Variants in GALNT2 observed in about 807,000 individuals in gnomAD.
GALNT2 encodes polypeptide N-acetylgalactosaminyltransferase 2.
A neutral mutation model predicts 81.4 loss-of-function variants in GALNT2; 31 were observed. The observed-to-expected ratio is 0.38, with a 90% confidence interval of 0.29 to 0.51. GALNT2 has a LOEUF of 0.51. Among genes scored for constraint, GALNT2 ranks in the 20% least tolerant of loss-of-function variants. The pLI, the probability that GALNT2 is intolerant of heterozygous loss-of-function variation, is 0.87. For synonymous variants in GALNT2, 303 were observed against 287.4 expected (o/e 1.05, Z -0.55); for missense variants, 629 against 765.7 (o/e 0.82, Z 2.11).
chr1:230,141,423 T>A (rs1164666743), intron 1 of GALNT2, among the ~76,000 whole-genome samples: 4 of 152,176 alleles, frequency 2.6e-5, no homozygotes, highest in Admixed American at 2.6e-4. Flanking sequence ...AAACTGAAAC[T>A]CTGTCTCATT....
At chr1:230,083,593 CT>C (rs1269601908) in intron 1 of GALNT2, among the ~76,000 whole-genome samples, 1 of 152,180 alleles carries the variant, frequency 6.6e-6, no homozygotes, top group Admixed American at 6.5e-5. Flanking sequence ...CTGCAGCCCC[CT>C]GATGCTTGCA....
intron 1 of GALNT2, among the ~76,000 whole-genome samples, chr1:230,118,227 C>T (rs1184627312): frequency 6.6e-6 from 1 of 152,180 alleles, no homozygotes; most frequent in African/African-American, 2.4e-5. Context: ...CACAGTTAAT[C>T]CATTTGCCTA....
In GALNT2 at chr1:230,248,226, T is replaced by C. The variant is rs114199590; in HGVS notation, c.818-958T>C. 3.5e-3 allele frequency among the ~76,000 whole-genome samples: 529 copies of C among 152,336 alleles called. 7 individuals are homozygous for C. Among genetic ancestry groups the C allele is most frequent in the African/African-American group, 0.012 (512 of 41,578 alleles). On this transcript the variant is annotated intron_variant, in intron 8 of 15. Transcript: ENST00000366672. ...GCTGTCAGGGCGGACAGACTATGAA[T>C]TCAAAGCATGCAGACAAATCCAAAC...
chr1:230,218,167 G>T (rs976139424), intron 3 of GALNT2, among the ~76,000 whole-genome samples: 5 of 152,220 alleles, frequency 3.3e-5, no homozygotes, highest in African/African-American at 1.2e-4. Flanking sequence ...GGTGGTGAGA[G>T]GTGGTTGGAT....
intron 11 of GALNT2, 168 bp from the exon 12 acceptor site, chr1:230,262,405 G>A (rs368992600): frequency 1.0e-5 from 6 of 598,440 alleles, no homozygotes; most frequent in East Asian, 2.8e-5. Context: ...GGTCCAGCTC[G>A]AGGTGCTGGT....
intron 3 of GALNT2, among the ~76,000 whole-genome samples, chr1:230,232,687 G>A (rs1664902634): frequency 6.6e-6 from 1 of 152,120 alleles, no homozygotes; most frequent in Admixed American, 6.5e-5. Flanking sequence ...TTACAGATTG[G>A]GTTCTTGGGA....
Position 230,279,073 on chromosome 1 carries a change from T to A in GALNT2, c.1561-230T>A, listed in dbSNP as rs1341829282. On this transcript the variant is annotated intron_variant, in intron 15 of 15. Coordinates refer to ENST00000366672, the MANE Select transcript of GALNT2 (RefSeq NM_004481.5). This position sits in a 1 kb window ranked among gnomAD's most constrained non-coding sequence, Gnocchi z 4.6. ...AGAAAGTTTGGGGCAGGAGACGTTC[T>A]GAGTTTTGATCCAAGGCAGAGAATA... Among the ~76,000 whole-genome samples, 2 of 152,234 alleles carry A rather than the reference T, an allele frequency of 1.3e-5. No homozygotes were observed. Among genetic ancestry groups the A allele is most frequent in the Non-Finnish European group, 2.9e-5 (2 of 68,040 alleles).
chr1:230,078,748 C>T (rs537363091), intron 1 of GALNT2, among the ~76,000 whole-genome samples: 8 of 152,230 alleles, frequency 5.3e-5, no homozygotes, highest in South Asian at 2.1e-4. Context: ...GCAGACTGCC[C>T]GGTGGACCAA....
At chr1:230,057,926 G>A (rs1364629230), upstream of GALNT2, 15 of 422,748 alleles carry the variant, frequency 3.5e-5, no homozygotes, top group Non-Finnish European at 5.3e-5. Flanking sequence ...AGTGTCGTCC[G>A]GGGCTAGGAG....
At chr1:230,188,623 A>G (rs1558131096) in intron 2 of GALNT2, among the ~76,000 whole-genome samples, 1 of 152,070 alleles carries the variant, frequency 6.6e-6, no homozygotes, top group Non-Finnish European at 1.5e-5. Context: ...TTTCTTTTAC[A>G]TGCTGTAAAA....
chr1:230,069,290 TG>T (rs1387231411), intron 1 of GALNT2, among the ~76,000 whole-genome samples: 3 of 151,850 alleles, frequency 2.0e-5, no homozygotes, highest in Non-Finnish European at 2.9e-5. Context: ...TGTTTTGTTT[TG>T]TTTTTTTTAA....
chr1:230,072,958 G>C (rs1329268550), intron 1 of GALNT2, among the ~76,000 whole-genome samples: 1 of 152,184 alleles, frequency 6.6e-6, no homozygotes, highest in East Asian at 1.9e-4. Context: ...TTTTCCCTCT[G>C]AGTAAGTCTT....
At chr1:230,095,402 G>A (rs76904440) in intron 1 of GALNT2, among the ~76,000 whole-genome samples, 2,703 of 152,298 alleles carry the variant, frequency 0.018, 33 homozygotes, top group Middle Eastern at 0.051. Flanking sequence ...GAGAGGTTGA[G>A]TTGCCGGCAG....
intron 1 of GALNT2, among the ~76,000 whole-genome samples, chr1:230,075,259 A>G (rs1445609730): frequency 6.9e-6 from 1 of 144,760 alleles, no homozygotes; most frequent in Non-Finnish European, 1.5e-5. Context: ...CTGAGTGGCT[A>G]GGATTACAGG....
At chr1:230,126,070 A>C (rs1445917261) in intron 1 of GALNT2, among the ~76,000 whole-genome samples, 1 of 152,254 alleles carries the variant, frequency 6.6e-6, no homozygotes, top group African/African-American at 2.4e-5. Flanking sequence ...AAGAGGAGCG[A>C]GGAGCAGGGA....
intron 3 of GALNT2, among the ~76,000 whole-genome samples, chr1:230,208,442 G>A (rs554203062): frequency 3.3e-5 from 5 of 152,240 alleles, no homozygotes; most frequent in African/African-American, 1.2e-4. Flanking sequence ...TGTTAATGCT[G>A]CTCAGTGTAG....
chr1:230,277,934 A>T (rs1224150047), intron 15 of GALNT2, among the ~76,000 whole-genome samples: 1 of 152,214 alleles, frequency 6.6e-6, no homozygotes, highest in Non-Finnish European at 1.5e-5. Context: ...CTGCAATGTC[A>T]AAAGGATTTG....
chr1:230,232,399 C>T (rs915611105), intron 3 of GALNT2, among the ~76,000 whole-genome samples: 11 of 152,114 alleles, frequency 7.2e-5, no homozygotes, highest in Non-Finnish European at 1.3e-4. Context: ...TTTCCAGAGC[C>T]CCGTGAGACT....
chr1:230,100,616 G>T (rs898832018), intron 1 of GALNT2, among the ~76,000 whole-genome samples: 1 of 152,324 alleles, frequency 6.6e-6, no homozygotes, highest in South Asian at 2.1e-4. Flanking sequence ...GTGAGCCACA[G>T]CACCCGGCGT....
Sources: allele counts gnomAD v4.1 joint callset (sites outside exome capture counted in the v4.1 genomes callset), GRCh38; gene constraint gnomAD v4.1.1; non-coding constraint Gnocchi (gnomAD v3.1); transcripts MANE v1.5; gene names NCBI Gene and HGNC (gene_info 2026-07-23, HGNC 2026-07-21).